POTEM: variants seen among roughly 807,000 people sequenced by gnomAD.
The protein encoded by POTEM is putative POTE ankyrin domain family member M.
For missense variants in POTEM, 24 were observed against 343.0 expected (o/e 0.07, Z 7.35); for synonymous variants, 8 against 113.2 (o/e 0.07, Z 5.90).
intron 3 of POTEM, chr14:18,974,884 C>CA (rs1890925566): frequency 2.9e-6 from 1 of 348,328 alleles, no homozygotes; most frequent in African/African-American, 2.3e-5. Context: ...TTCTTTCTTT[C>CA]TTTTTATTTT....
chr14:18,996,204 G>T (rs1299589306), intron 9 of POTEM, among the ~76,000 whole-genome samples: 1 of 151,572 alleles, frequency 6.6e-6, no homozygotes, highest in African/African-American at 2.4e-5. Flanking sequence ...AGTGCTTAAC[G>T]ATGAGTTTAT....
intron 6 of POTEM, 168 bp downstream of exon 6, chr14:18,980,312 C>T (rs1767738106): frequency 2.4e-6 from 1 of 408,304 alleles, no homozygotes; most frequent in African/African-American, 2.8e-5. Context: ...ATTATTATTA[C>T]ATTGTAATAT....
At chr14:18,968,914 C>T (rs1196967860) in intron 1 of POTEM, among the ~76,000 whole-genome samples, 3 of 148,028 alleles carry the variant, frequency 2.0e-5, no homozygotes, top group East Asian at 2.0e-4. Flanking sequence ...ATTACACATG[C>T]TGTCTTTTAT....
chr14:19,000,418 CT>C lies in POTEM; in HGVS notation c.*1758del, dbSNP rs1160985866. Reference sequence around the variant, plus strand: ...AATTTTTTGAATCTTTGCCTAAATACTTTTTAATTTTGTTTTATTTAGAATG... The same window carrying C: ...AATTTTTTGAATCTTTGCCTAAATACTTTTAATTTTGTTTTATTTAGAATG... On this transcript the variant is annotated 3_prime_UTR_variant, in exon 11 of 11. Coordinates refer to ENST00000547889, the MANE Select transcript of POTEM (RefSeq NM_001145442.1). 3.4e-5 allele frequency among the ~76,000 whole-genome samples: 5 copies of C among 145,170 alleles called. No homozygotes were observed. The highest frequency in any genetic ancestry group is 1.4e-4 in the African/African-American group (5 of 36,784).
At chr14:18,968,960 A>C (rs1232024890) in intron 1 of POTEM, among the ~76,000 whole-genome samples, 6 of 150,338 alleles carry the variant, frequency 4.0e-5, no homozygotes, top group South Asian at 4.2e-4. Context: ...AGCAGAATGG[A>C]CAAAGGCTTG....
In POTEM at chr14:18,968,630, C is replaced by T. The variant is rs1201507664; in HGVS notation, c.521+624C>T. Among the ~76,000 whole-genome samples, 56 of 140,742 alleles carry T rather than the reference C, an allele frequency of 4.0e-4. No individual in the cohort carries two copies. In the South Asian group the frequency reaches 5.3e-3, roughly 13 times the overall value. 92.3% of individuals were successfully genotyped at this position (140,742 alleles called of 152,430 possible). ...GATCAGGAGATCGAGACCATCCTGG[C>T]TAACACGGTGAAACCCCGTCTCTAC... is the stretch of plus-strand genomic sequence containing the variant. On this transcript the variant is annotated intron_variant, in intron 1 of 10. Coordinates refer to ENST00000547889, the MANE Select transcript of POTEM (RefSeq NM_001145442.1).
At position 19,002,753 on chromosome 14, in the gene POTEM, C is replaced by T. The variant is rs28477762; in HGVS notation, c.*4088C>T. Among the ~76,000 whole-genome samples the T allele has an allele frequency of 1.1e-3, 163 of 150,546 alleles. No homozygotes were observed. Among genetic ancestry groups the T allele is most frequent in the African/African-American group, 3.7e-3 (150 of 40,494 alleles). ...TGCAGCAAGGTGGCCCCTACGGCCA[C>T]GCACCAGCCTGCACATTACCTCTCC... On this transcript the variant is annotated 3_prime_UTR_variant, in exon 11 of 11. Coordinates refer to ENST00000547889, the MANE Select transcript of POTEM (RefSeq NM_001145442.1).
chr14:18,975,004 G>A (rs1442907789), intron 3 of POTEM: 1 of 369,118 alleles, frequency 2.7e-6, no homozygotes, highest in Non-Finnish European at 5.2e-6. Context: ...CTCCCAAAGT[G>A]CTAGGATTAC....
chr14:18,968,495 T>A (rs1196301979), intron 1 of POTEM, among the ~76,000 whole-genome samples: 1 of 152,090 alleles, frequency 6.6e-6, no homozygotes, highest in African/African-American at 2.4e-5. Flanking sequence ...ATGGTTCTTG[T>A]GCTTGAATAG....
rs1390693636 is a variant in POTEM at position 19,000,777 on chromosome 14, CAG to C, written c.*2117_*2118del. The stretch of plus-strand genomic sequence containing the variant: ...TGCTCTACATGATTGTGACCAAAGT[CAG>C]AGAGCTGAAAGAGACTTCTTTCCAG... On this transcript the variant is annotated 3_prime_UTR_variant, in exon 11 of 11. Transcript: ENST00000547889. Among the ~76,000 whole-genome samples, 1 of 11,872 alleles carries C rather than the reference CAG, an allele frequency of 8.4e-5. No individual in the cohort carries two copies. The highest frequency in any genetic ancestry group is 1.4e-4 in the Non-Finnish European group (1 of 6,926). The allele number at this position is 11,872 out of a possible 152,430, so 7.8% of individuals were successfully genotyped here. A position where few individuals can be genotyped will look rare whatever the true frequency, so the allele number is the denominator to read the frequency against.
chr14:18,992,928 G>C lies in POTEM; in HGVS notation c.1410-4113G>C, dbSNP rs1455014130. On this transcript the variant is annotated intron_variant, in intron 9 of 10. Transcript: ENST00000547889. Reference sequence around the variant, plus strand: ...TTTATTTATTTAGAGATAGAGTCTTGCTCTGTCACCCAGGCTGCAGTGCAG... The same window carrying C: ...TTTATTTATTTAGAGATAGAGTCTTCCTCTGTCACCCAGGCTGCAGTGCAG... Among the ~76,000 whole-genome samples, 2 of 65,118 alleles carry C rather than the reference G, an allele frequency of 3.1e-5. 1 individual carries two copies. Among genetic ancestry groups the C allele is most frequent in the Admixed American group, 3.0e-4 (2 of 6,752 alleles). The allele number at this position is 65,118 out of a possible 152,430, so 42.7% of individuals were successfully genotyped here. A position where few individuals can be genotyped will look rare whatever the true frequency, so the allele number is the denominator to read the frequency against.
Position 18,993,231 on chromosome 14 carries a change from G to A in POTEM, c.1410-3810G>A, listed in dbSNP as rs1332205969. On this transcript the variant is annotated intron_variant, in intron 9 of 10. Coordinates refer to ENST00000547889, the MANE Select transcript of POTEM (RefSeq NM_001145442.1). ...ATTTTATTTAAAAAAATATTAGGGT[G>A]GTAAATGTAATGGACTCACAAATTG... Among the ~76,000 whole-genome samples, 16 of 65,734 alleles carry A rather than the reference G, an allele frequency of 2.4e-4. 7 individuals carry two copies. Among genetic ancestry groups the A allele is most frequent in the Non-Finnish European group, 1.5e-4 (5 of 33,974 alleles). 43.1% of individuals were successfully genotyped at this position (65,734 alleles called of 152,430 possible). A position where few individuals can be genotyped will look rare whatever the true frequency, so the allele number is the denominator to read the frequency against.
At chr14:18,986,636 G>T (rs1427160107) in intron 7 of POTEM, among the ~76,000 whole-genome samples, 509 of 135,758 alleles carry the variant, frequency 3.7e-3, no homozygotes, top group African/African-American at 7.5e-3. Flanking sequence ...CAATTAAAAT[G>T]TAAGAATTTG....
intron 1 of POTEM, among the ~76,000 whole-genome samples, chr14:18,968,912 T>C (rs1890830687): frequency 1.3e-5 from 2 of 149,554 alleles, no homozygotes; most frequent in East Asian, 2.0e-4. Context: ...AAATTACACA[T>C]GCTGTCTTTT....
At chr14:18,991,257 A>T (rs1204126722) in intron 9 of POTEM, among the ~76,000 whole-genome samples, 2 of 96,778 alleles carry the variant, frequency 2.1e-5, no homozygotes, top group East Asian at 6.0e-4. Context: ...CTCACTCCTT[A>T]ATTCCAGATC....
rs201392796 is a variant in POTEM, at chr14:18,969,357, G to GTATATA, written c.521+1368_521+1373dup. Among the ~76,000 whole-genome samples the GTATATA allele has an allele frequency of 9.9e-3, 1,035 of 104,224 alleles. 1 individual carries two copies. Among genetic ancestry groups the GTATATA allele is most frequent in the Middle Eastern group, 0.018 (3 of 166 alleles). The allele number at this position is 104,224 out of a possible 152,430, so 68.4% of individuals were successfully genotyped here. A position where few individuals can be genotyped will look rare whatever the true frequency, so the allele number is the denominator to read the frequency against. ...TACGTATATACATATATATACATGT[G>GTATATA]TATATATATATATATATATATACAC... On this transcript the variant is annotated intron_variant, in intron 1 of 10. Transcript: ENST00000547889.
chr14:18,996,113 C>T (rs1297600487), intron 9 of POTEM, among the ~76,000 whole-genome samples: 1 of 151,810 alleles, frequency 6.6e-6, no homozygotes, highest in African/African-American at 2.4e-5. Flanking sequence ...TTTGGATGCC[C>T]TTTATTTCTC....
intron 1 of POTEM, among the ~76,000 whole-genome samples, chr14:18,968,442 T>C (rs535161549): frequency 6.6e-6 from 1 of 152,260 alleles, no homozygotes; most frequent in African/African-American, 2.4e-5. Context: ...TATGTAAATA[T>C]GTTCTTTACT....
At chr14:18,986,553 T>C (rs1295658423) in intron 7 of POTEM, among the ~76,000 whole-genome samples, 4 of 139,864 alleles carry the variant, frequency 2.9e-5, no homozygotes, top group Non-Finnish European at 6.1e-5. Flanking sequence ...TTAGTACATA[T>C]TAGAATATAT....
Sources: allele counts gnomAD v4.1 joint callset (sites outside exome capture counted in the v4.1 genomes callset), GRCh38; gene constraint gnomAD v4.1.1; transcripts MANE v1.5; gene names NCBI Gene and HGNC (gene_info 2026-07-23, HGNC 2026-07-21).